Variants in LINGO2 observed in about 807,000 individuals in gnomAD.
LINGO2 encodes leucine rich repeat and Ig domain containing 2.
In LINGO2, 14 loss-of-function variants were observed where a neutral mutation model predicts 30.6. The ratio of observed to expected loss-of-function variants is 0.46; its 90% CI spans 0.30 to 0.72. LINGO2 has a LOEUF of 0.72. Ranked by LOEUF, LINGO2 falls within the 30% of genes least tolerant of loss-of-function variation. The pLI is 0.07. For synonymous variants in LINGO2, 317 were observed against 288.5 expected, an observed-to-expected ratio of 1.10 and a Z score of -1.00; for missense variants, 729 against 751.7, an observed-to-expected ratio of 0.97 and a Z score of 0.35.
the LINGO2 span, among the ~76,000 whole-genome samples, chr9:28,972,624 G>A: frequency 2.0e-5 from 3 of 152,144 alleles, no homozygotes; most frequent in African/African-American, 4.8e-5. Flanking sequence ...CAGAAGAGAC[G>A]TATTAGTCTG....
At position 27,968,402 on chromosome 9, in the gene LINGO2, T is replaced by C. The variant is rs552338952; in HGVS notation, c.-35-17696A>G. Among the ~76,000 whole-genome samples the C allele has an allele frequency of 7.0e-4, 106 of 152,144 alleles. 1 individual carries two copies. Among genetic ancestry groups the C allele is most frequent in the African/African-American group, 2.4e-3 (99 of 41,556 alleles). On this transcript the variant is annotated intron_variant, in intron 5 of 5. Coordinates refer to ENST00000379992, the Ensembl canonical transcript of LINGO2. Reference sequence around the variant, plus strand: ...TAAAATGATGGCTATAAGAGATATTTAATAATTTGGAAAATGTTTATATAA... The same window carrying C: ...TAAAATGATGGCTATAAGAGATATTCAATAATTTGGAAAATGTTTATATAA...
At chr9:29,054,950 G>A in the LINGO2 span, among the ~76,000 whole-genome samples, 1 of 152,088 alleles carries the variant, frequency 6.6e-6, no homozygotes, top group Non-Finnish European at 1.5e-5. Context: ...CAGGTGCGGT[G>A]GATCGCGCCT....
the LINGO2 span, among the ~76,000 whole-genome samples, chr9:28,934,018 T>C: frequency 6.6e-6 from 1 of 152,188 alleles, no homozygotes; most frequent in Admixed American, 6.5e-5. Flanking sequence ...GAATCCTCTG[T>C]GGAGGGACAT....
intron 1 of LINGO2, among the ~76,000 whole-genome samples, chr9:28,659,702 G>A (rs1828511695): frequency 6.6e-6 from 1 of 152,096 alleles, no homozygotes; most frequent in Non-Finnish European, 1.5e-5. Context: ...ACCTGCCTCA[G>A]CCTGCCAAAC....
At chr9:28,379,929 T>G (rs1047362090) in intron 2 of LINGO2, among the ~76,000 whole-genome samples, 1 of 152,006 alleles carries the variant, frequency 6.6e-6, no homozygotes, top group African/African-American at 2.4e-5. Flanking sequence ...CTAGAGAAAT[T>G]TGAAGTAACA....
chr9:28,970,444 C>A, the LINGO2 span, among the ~76,000 whole-genome samples: 1 of 152,086 alleles, frequency 6.6e-6, no homozygotes, highest in Non-Finnish European at 1.5e-5. Context: ...AGCACTCACA[C>A]TACCTAGTTT....
intron 4 of LINGO2, among the ~76,000 whole-genome samples, chr9:28,293,365 T>C (rs1240614915): frequency 6.6e-6 from 1 of 152,164 alleles, no homozygotes; most frequent in Non-Finnish European, 1.5e-5. Flanking sequence ...CCCAAAGCAC[T>C]AAGATTACAG....
intron 1 of LINGO2, among the ~76,000 whole-genome samples, chr9:28,530,722 C>T (rs1031017597): frequency 6.6e-6 from 1 of 151,990 alleles, no homozygotes; most frequent in Non-Finnish European, 1.5e-5. Flanking sequence ...AATTATGTGT[C>T]AGTAATATTA....
the LINGO2 span, among the ~76,000 whole-genome samples, chr9:28,769,752 T>G: frequency 6.6e-6 from 1 of 151,124 alleles, no homozygotes; most frequent in Non-Finnish European, 1.5e-5. Context: ...GACATTCCTA[T>G]CATGCATAGA....
the LINGO2 span, among the ~76,000 whole-genome samples, chr9:28,852,527 G>A: frequency 6.6e-6 from 1 of 151,950 alleles, no homozygotes; most frequent in Non-Finnish European, 1.5e-5. Flanking sequence ...CAGAGCTACT[G>A]CCCAGGGGAA....
intron 2 of LINGO2, among the ~76,000 whole-genome samples, chr9:28,441,759 A>G (rs1824206070): frequency 6.6e-6 from 1 of 152,190 alleles, no homozygotes; most frequent in Admixed American, 6.5e-5. Flanking sequence ...GTTTTCCTTG[A>G]TGAATAGTCA....
At chr9:29,074,964 C>A in the LINGO2 span, among the ~76,000 whole-genome samples, 5 of 152,086 alleles carry the variant, frequency 3.3e-5, no homozygotes, top group Non-Finnish European at 5.9e-5. Context: ...GCGTGAGCCA[C>A]CGCGCCAGGC....
intron 2 of LINGO2, among the ~76,000 whole-genome samples, chr9:28,383,631 T>A (rs536051386): frequency 4.6e-4 from 70 of 152,174 alleles, no homozygotes; most frequent in Middle Eastern, 3.4e-3. Flanking sequence ...GAGGGGTTTG[T>A]CACTTCCAAG....
intron 1 of LINGO2, among the ~76,000 whole-genome samples, chr9:28,496,708 T>G (rs1477927941): frequency 1.3e-5 from 2 of 152,178 alleles, no homozygotes; most frequent in Non-Finnish European, 2.9e-5. Context: ...ATTATGATGT[T>G]AGCTGGTTAT....
chr9:28,759,112 G>T, the LINGO2 span, among the ~76,000 whole-genome samples: 1 of 151,866 alleles, frequency 6.6e-6, no homozygotes, highest in African/African-American at 2.4e-5. Flanking sequence ...TGTTTTCATG[G>T]CTCTCAAGTG....
the LINGO2 span, among the ~76,000 whole-genome samples, chr9:29,012,667 A>G: frequency 4.6e-5 from 7 of 152,180 alleles, no homozygotes; most frequent in Non-Finnish European, 1.0e-4. Flanking sequence ...TATAGAAAAT[A>G]GAAAAAATTC....
chr9:28,818,793 A>G, the LINGO2 span, among the ~76,000 whole-genome samples: 1 of 152,118 alleles, frequency 6.6e-6, no homozygotes, highest in Non-Finnish European at 1.5e-5. Context: ...TCTAATTTGC[A>G]CTTTGAATGG....
intron 2 of LINGO2, among the ~76,000 whole-genome samples, chr9:28,433,516 T>C (rs1278216970): frequency 1.3e-5 from 2 of 152,032 alleles, no homozygotes; most frequent in Non-Finnish European, 2.9e-5. Flanking sequence ...AAAACAGATT[T>C]AAGACATATT....
the LINGO2 span, among the ~76,000 whole-genome samples, chr9:29,132,698 C>A: frequency 4.9e-3 from 745 of 152,196 alleles, 6 homozygotes; most frequent in African/African-American, 0.017. Context: ...TTGTCCAATT[C>A]TCTGTTGAAA....
Sources: allele counts gnomAD v4.1 joint callset (sites outside exome capture counted in the v4.1 genomes callset), GRCh38; gene constraint gnomAD v4.1.1; transcripts MANE v1.5; gene names NCBI Gene and HGNC (gene_info 2026-07-23, HGNC 2026-07-21).